The following GRM5 variants were observed in gnomAD, a reference collection of about 807,000 sequenced individuals.
GRM5 encodes metabotropic glutamate receptor 5.
A neutral mutation model predicts 83.1 loss-of-function variants in GRM5; 19 were observed. The ratio of observed to expected loss-of-function variants is 0.23; its 90% CI spans 0.16 to 0.34. The LOEUF is 0.34. GRM5 is among the 10% of genes least tolerant of loss of function. The pLI is 1.00. For synonymous variants in GRM5, 675 were observed against 633.6 expected, an observed-to-expected ratio of 1.07 and a Z score of -0.98; for missense variants, 1,160 against 1,588.3, an observed-to-expected ratio of 0.73 and a Z score of 4.58.
At chr11:88,687,579 A>ATATATATAT (rs1250226972) in intron 3 of GRM5, among the ~76,000 whole-genome samples, 1 of 46,880 alleles carries the variant, frequency 2.1e-5, no homozygotes, top group African/African-American at 2.0e-4. Flanking sequence ...ATATATATAT[A>ATATATATAT]ATATATATAT....
intron 3 of GRM5, among the ~76,000 whole-genome samples, chr11:88,823,751 A>G (rs1943844577): frequency 6.6e-6 from 1 of 152,120 alleles, no homozygotes. Flanking sequence ...GGCTATCAAC[A>G]TTTAGTTTGT....
chr11:88,700,592 C>G (rs887845978), intron 3 of GRM5, among the ~76,000 whole-genome samples: 23 of 152,242 alleles, frequency 1.5e-4, no homozygotes, highest in Admixed American at 5.2e-4. Flanking sequence ...AAAGTATTTT[C>G]CATGTGAAGA....
At chr11:88,942,117 C>G (rs1938134642) in intron 2 of GRM5, among the ~76,000 whole-genome samples, 2 of 151,972 alleles carry the variant, frequency 1.3e-5, no homozygotes, top group African/African-American at 4.8e-5. Flanking sequence ...TTTTAGATAA[C>G]TGGGGAAATT....
At chr11:89,064,270 G>T (rs929046294) in intron 1 of GRM5, among the ~76,000 whole-genome samples, 1 of 152,150 alleles carries the variant, frequency 6.6e-6, no homozygotes, top group African/African-American at 2.4e-5. Flanking sequence ...TTCACAACGT[G>T]CAGGTTTGTA....
At position 88,723,147 on chromosome 11, in the gene GRM5, CTT is replaced by C. The variant is rs71470776; in HGVS notation, c.912-69746_912-69745del. Reference sequence around the variant, plus strand: ...ACAGTATGTAGTCTTTTCAGATTGGCTTTTTTTTTTTCTCATAGCAATATGCT... The same window carrying C: ...ACAGTATGTAGTCTTTTCAGATTGGCTTTTTTTTTCTCATAGCAATATGCT... On this transcript the variant is annotated intron_variant, in intron 3 of 9. Coordinates refer to ENST00000305447, the MANE Select transcript of GRM5 (RefSeq NM_001143831.3). Among the ~76,000 whole-genome samples the C allele has an allele frequency of 3.7e-3, 546 of 148,074 alleles. 2 individuals are homozygous for C. Among genetic ancestry groups the C allele is most frequent in the African/African-American group, 0.013 (517 of 40,610 alleles).
chr11:88,943,289 T>C (rs1266730824), intron 2 of GRM5, among the ~76,000 whole-genome samples: 1 of 152,038 alleles, frequency 6.6e-6, no homozygotes, highest in East Asian at 1.9e-4. Context: ...CCAGAACATT[T>C]CTCCAGACAT....
Position 88,652,239 on chromosome 11 carries a change from C to A in GRM5, c.1147+929G>T, listed in dbSNP as rs1215376740. Among the ~76,000 whole-genome samples, 3 of 151,948 alleles carry A rather than the reference C, an allele frequency of 2.0e-5. 1 individual carries two copies. The highest frequency in any genetic ancestry group is 2.0e-4 in the Admixed American group (3 of 15,222). ...GTTCAATTTGCATTTTCCTGCAATG[C>A]AAATGCATATGGGTTTCTTATAACA... On this transcript the variant is annotated intron_variant, in intron 4 of 9. Transcript: ENST00000305447.
At chr11:88,991,433 C>A (rs1565324875) in intron 2 of GRM5, among the ~76,000 whole-genome samples, 2 of 152,038 alleles carry the variant, frequency 1.3e-5, no homozygotes, top group African/African-American at 2.4e-5. Context: ...AACGGCCATA[C>A]TGCCCAAGGT....
intron 3 of GRM5, among the ~76,000 whole-genome samples, chr11:88,709,902 G>A (rs1009078808): frequency 6.6e-6 from 1 of 152,152 alleles, no homozygotes; most frequent in African/African-American, 2.4e-5. Flanking sequence ...TTGGCAGGAG[G>A]AAGTTGGAAA....
chr11:88,584,761 A>G (rs1943281046), intron 7 of GRM5, among the ~76,000 whole-genome samples: 3 of 152,110 alleles, frequency 2.0e-5, no homozygotes, highest in Admixed American at 1.3e-4. Flanking sequence ...TTTCATATTC[A>G]ATTTTTGAAT....
chr11:88,802,341 G>A (rs1319346520), intron 3 of GRM5, among the ~76,000 whole-genome samples: 2 of 152,066 alleles, frequency 1.3e-5, no homozygotes, highest in African/African-American at 4.8e-5. Flanking sequence ...TATTTATAGT[G>A]TATACATAGT....
chr11:88,615,203 G>C (rs566839196), intron 4 of GRM5, among the ~76,000 whole-genome samples: 14 of 152,020 alleles, frequency 9.2e-5, no homozygotes, highest in Non-Finnish European at 1.2e-4. Context: ...GAAGTGCCTG[G>C]TGACTATTTT....
rs942680959 is a variant in GRM5 at position 88,600,329 on chromosome 11, C to A, written c.1395-2977G>T. 4.1e-5 allele frequency among the ~76,000 whole-genome samples: 6 copies of A among 145,704 alleles called. No homozygotes were observed. In the East Asian group the frequency reaches 1.3e-3, roughly 30 times the overall value. ...CTCTCCCTCCCCTTCCCTCACCCTC[C>A]CCTGGCCTTTCTTTTTCATTGCACC... On this transcript the variant is annotated intron_variant, in intron 5 of 9. Coordinates refer to ENST00000305447, the MANE Select transcript of GRM5 (RefSeq NM_001143831.3).
At chr11:88,856,986 G>A (rs1327360024) in intron 2 of GRM5, among the ~76,000 whole-genome samples, 1 of 152,174 alleles carries the variant, frequency 6.6e-6, no homozygotes, top group Non-Finnish European at 1.5e-5. Context: ...ATATCTGTAT[G>A]TGTATAGATG....
intron 2 of GRM5, among the ~76,000 whole-genome samples, chr11:89,042,451 T>C (rs1941555807): frequency 1.3e-5 from 2 of 152,182 alleles, no homozygotes; most frequent in South Asian, 4.1e-4. Context: ...TATTTTAGTT[T>C]CCTTAACCGT....
intron 3 of GRM5, among the ~76,000 whole-genome samples, chr11:88,689,529 G>T (rs1459173339): frequency 3.3e-5 from 5 of 152,192 alleles, no homozygotes; most frequent in African/African-American, 1.2e-4. Context: ...GTTTTGGTGT[G>T]AAGAACTTGT....
chr11:88,773,606 T>G (rs1353424809), intron 3 of GRM5, among the ~76,000 whole-genome samples: 1 of 152,228 alleles, frequency 6.6e-6, no homozygotes, highest in African/African-American at 2.4e-5. Context: ...ATGTCTTTAA[T>G]CCATCTTGAA....
chr11:88,912,325 CTT>C (rs1276083709), intron 2 of GRM5, among the ~76,000 whole-genome samples: 2 of 151,674 alleles, frequency 1.3e-5, no homozygotes, highest in East Asian at 3.9e-4. Context: ...AAGGGGCTGA[CTT>C]ATCCTAAGGA....
chr11:88,537,917 C>G (rs1286389463), intron 8 of GRM5, among the ~76,000 whole-genome samples: 1 of 151,966 alleles, frequency 6.6e-6, no homozygotes, highest in East Asian at 1.9e-4. Context: ...TCACTGTGTT[C>G]TGTGAAAATA....
Sources: gnomAD v4.1 joint callset for allele counts (sites outside exome capture counted in the v4.1 genomes callset) on GRCh38, gnomAD v4.1.1 for gene constraint, MANE v1.5 for transcripts, NCBI Gene and HGNC (gene_info 2026-07-23, HGNC 2026-07-21) for gene names.